The following WDR43 variants were observed in gnomAD, a reference collection of about 807,000 sequenced individuals.
The protein encoded by WDR43 is WD repeat domain 43.
In WDR43, 13 loss-of-function variants were observed where a neutral mutation model predicts 91.4. The observed-to-expected ratio is 0.14, with a 90% CI of 0.09 to 0.23. WDR43 has a LOEUF of 0.23. Ranked by LOEUF, WDR43 falls within the 10% of genes least tolerant of loss-of-function variation. The probability of loss-of-function intolerance (pLI) is 1.00; values close to 1 mark genes in which losing one functional copy is unlikely to be tolerated. For synonymous variants in WDR43, 331 were observed against 287.9 expected (o/e 1.15, Z -1.51); for missense variants, 780 against 809.4 (o/e 0.96, Z 0.44).
chr2:28,896,878 A>T (rs569769015), intron 1 of WDR43, among the ~76,000 whole-genome samples: 5 of 152,252 alleles, frequency 3.3e-5, no homozygotes, highest in Middle Eastern at 3.4e-3. Flanking sequence ...ATTAAACAAA[A>T]TTTTTTTCTA....
Position 28,925,039 on chromosome 2 carries a change from A to G in WDR43, c.972A>G (p.Lys324=), listed in dbSNP as rs1218993035. 6.2e-7 allele frequency: 1 copy of G among 1,613,922 alleles called. No individual in the cohort carries two copies. The change falls in exon 8 of 18, where the codon AAA becomes AAG. Residue 324 remains lysine, a synonymous_variant. Coordinates refer to ENST00000407426, the MANE Select transcript of WDR43 (RefSeq NM_015131.3). ...CAATTCAGATAGCAACACCTGGGAA[A>G]GGCAAGAAGTCAACACCAAAACCCA... ...NCTIQIATPG[K]GKKSTPKPIP... is the part of the protein sequence containing the mutation.
rs1370697653 is a variant in WDR43, at chr2:28,937,911, A to G, written c.1557-20A>G. 1.2e-6 allele frequency: 2 copies of G among 1,611,128 alleles called. No homozygotes were observed. Among genetic ancestry groups the G allele is most frequent in the African/African-American group, 2.7e-5 (2 of 75,002 alleles). On this transcript the variant is annotated intron_variant, in intron 13 of 17. Coordinates refer to ENST00000407426, the MANE Select transcript of WDR43 (RefSeq NM_015131.3). ...CTTTTGAATTTGTGAACATTAGTTT[A>G]CTTGGATTTTTTTTTCCAGTGCTGT...
chr2:28,926,117 GT>G (rs1671134692), intron 8 of WDR43, among the ~76,000 whole-genome samples: 1 of 152,142 alleles, frequency 6.6e-6, no homozygotes, highest in Non-Finnish European at 1.5e-5. Context: ...TGAGCAGACT[GT>G]TTCTTAAAAG....
chr2:28,913,040 C>T (rs1670837039), intron 4 of WDR43, among the ~76,000 whole-genome samples: 2 of 150,176 alleles, frequency 1.3e-5, no homozygotes, highest in South Asian at 4.2e-4. Flanking sequence ...GCAAGCTCCG[C>T]CTCCCAGGTT....
intron 9 of WDR43, 95 bp downstream of exon 9, chr2:28,926,649 A>G (rs1283741078): frequency 1.9e-6 from 2 of 1,030,764 alleles, no homozygotes; most frequent in Non-Finnish European, 2.8e-6. Context: ...TGAGTTTTTT[A>G]TTCTTTAATA....
rs761845777 is a variant in WDR43 at position 28,906,489 on chromosome 2, C to T, written c.393C>T (p.Cys131=). 16 of 1,580,594 alleles carry T rather than the reference C, an allele frequency of 1.0e-5. No homozygotes were observed. The Admixed American group carries it at 2.8e-4, about 28-fold the overall frequency. Residue 131 remains cysteine (C), a synonymous_variant, in exon 3 of 18, where the codon TGC becomes TGT. Transcript: ENST00000407426. ...ISGGHDNRVN[C]IQWHQDSGCL... is the part of the protein sequence containing the mutation. ...GTGGACATGACAACAGAGTCAACTG[C>T]ATACAGTGGCATCAAGACAGTGGCT... is the stretch of plus-strand genomic sequence containing the variant.
chr2:28,913,513 TA>T (rs1446238418), intron 4 of WDR43: 3 of 346,792 alleles, frequency 8.7e-6, no homozygotes, highest in South Asian at 2.3e-5. Flanking sequence ...ATTTTCTTAA[TA>T]AAAAAGTTTT....
chr2:28,921,488 C>A (rs34564767), intron 6 of WDR43, among the ~76,000 whole-genome samples: 23,862 of 152,190 alleles, frequency 0.16, 2,358 homozygotes, highest in Non-Finnish European at 0.22. Flanking sequence ...AGTTCTAATT[C>A]TGGCACTTCA....
rs775075885 is a variant in WDR43 at position 28,947,495 on chromosome 2, A to C, written c.*716A>C. On this transcript the variant is annotated 3_prime_UTR_variant, in exon 18 of 18. Transcript: ENST00000407426. ...ATATTAAGGATTTTTCTTGACTGCAAATTACTTCTAAAGAATCATCAGTGT... is the reference window on the plus strand; with the variant it reads ...ATATTAAGGATTTTTCTTGACTGCACATTACTTCTAAAGAATCATCAGTGT... 2 of 152,166 alleles carry C rather than the reference A, an allele frequency of 1.3e-5. No homozygotes were observed. Among genetic ancestry groups the C allele is most frequent in the Non-Finnish European group, 2.9e-5 (2 of 68,014 alleles). The allele number at this position is 152,166 out of a possible 1,614,324, so 9.4% of individuals were successfully genotyped here. A position where few individuals can be genotyped will look rare whatever the true frequency, so the allele number is the denominator to read the frequency against.
chr2:28,946,705 A>G lies in WDR43; in HGVS notation c.1960A>G (p.Arg654Gly). 1 of 1,580,888 alleles carries G rather than the reference A, an allele frequency of 6.3e-7. No individual in the cohort carries two copies. The highest frequency in any genetic ancestry group is 8.6e-7 in the Non-Finnish European group (1 of 1,163,102). The change falls in exon 18 of 18, where the codon AGA becomes GGA. Residue 654 changes from arginine (R) to glycine (G), a missense_variant. Physicochemically the swap from Arg to Gly is moderately radical, Grantham distance 125. Around this residue, in one of 4 missense-constraint regions of WDR43, gnomAD observed 426 missense variants for 467.8 expected, o/e 0.91. Coordinates refer to ENST00000407426, the MANE Select transcript of WDR43 (RefSeq NM_015131.3). The part of the protein sequence containing the change: ...EGKDEENGED[R>G]DTASEKELNG... ...AAAAGATGAAGAAAATGGCGAGGAC[A>G]GAGATACAGCAAGTGAAAAAGAATT...
intron 4 of WDR43, among the ~76,000 whole-genome samples, chr2:28,912,923 C>T (rs1026598705): frequency 1.3e-5 from 2 of 150,262 alleles, no homozygotes; most frequent in Non-Finnish European, 3.0e-5. Context: ...GAAAAATGAA[C>T]AGAACCAATA....
intron 4 of WDR43, 86 bp downstream of exon 4, chr2:28,912,796 TAAG>T: frequency 6.6e-7 from 1 of 1,508,888 alleles, no homozygotes; most frequent in East Asian, 2.3e-5. Flanking sequence ...GATATTATTT[TAAG>T]AATACAAATT....
Position 28,906,473 on chromosome 2 carries a change from A to G in WDR43, c.377A>G (p.Asp126Gly). Residue 126 changes from aspartate (D) to glycine (G), a missense_variant, in exon 3 of 18, where the codon GAC (aspartate) becomes GGC (glycine). Asp to Gly is a moderately conservative substitution (Grantham distance 94, BLOSUM62 -1). This residue lies in a region of WDR43 where 174 missense variants were observed against 207.3 expected (regional missense o/e 0.84). Coordinates refer to ENST00000407426, the MANE Select transcript of WDR43 (RefSeq NM_015131.3). ...LHSKLISGGH[D>G]NRVNCIQWHQ... Reference sequence around the variant, plus strand: ...TTTAATCTACAGAGTGGTGGACATGACAACAGAGTCAACTGCATACAGTGG... The same window carrying G: ...TTTAATCTACAGAGTGGTGGACATGGCAACAGAGTCAACTGCATACAGTGG... The G allele has an allele frequency of 6.4e-7, 1 of 1,567,300 alleles. No homozygotes were observed.
intron 11 of WDR43, chr2:28,929,936 T>C (rs1046382147): frequency 8.5e-6 from 5 of 590,702 alleles, no homozygotes; most frequent in Non-Finnish European, 1.6e-5. Context: ...CATTTTCTCA[T>C]AGAAATACTG....
intron 14 of WDR43, among the ~76,000 whole-genome samples, chr2:28,939,806 A>G (rs1465453539): frequency 1.3e-5 from 2 of 152,160 alleles, no homozygotes; most frequent in African/African-American, 4.8e-5. Flanking sequence ...GGTAAAGGCT[A>G]ATCAGAGGTA....
In WDR43 at chr2:28,912,662, T is replaced by A; in HGVS notation, c.558T>A (p.Ala186=). ...CAGATGGAAAGATGTTGCTTTCAGC[T>A]GGTCGAACAATCAAACTATGGGTTT... ...ISPDGKMLLS[A]GRTIKLWVLE... The change falls in exon 4 of 18, where the codon GCT becomes GCA. Residue 186 remains alanine, a synonymous_variant. Coordinates refer to ENST00000407426, the MANE Select transcript of WDR43 (RefSeq NM_015131.3). 1 of 1,614,028 alleles carries A rather than the reference T, an allele frequency of 6.2e-7. No homozygotes were observed. The highest frequency in any genetic ancestry group is 2.2e-5 in the East Asian group (1 of 44,874).
intron 11 of WDR43, among the ~76,000 whole-genome samples, chr2:28,932,154 A>G (rs1671260194): frequency 6.6e-6 from 1 of 152,060 alleles, no homozygotes; most frequent in African/African-American, 2.4e-5. Flanking sequence ...CTGGCATAGA[A>G]TAGCCCTTTC....
intron 11 of WDR43, among the ~76,000 whole-genome samples, chr2:28,934,553 C>A (rs1019971299): frequency 1.3e-5 from 2 of 152,068 alleles, no homozygotes; most frequent in African/African-American, 4.8e-5. Context: ...GAGGCTGACT[C>A]CTCTGTTTAT....
chr2:28,934,118 A>G (rs1319206788), intron 11 of WDR43, among the ~76,000 whole-genome samples: 4 of 152,224 alleles, frequency 2.6e-5, no homozygotes, highest in Admixed American at 6.5e-5. Context: ...ATCTAGCAAT[A>G]TAAGTAATGT....
Sources: allele counts gnomAD v4.1 joint callset (sites outside exome capture counted in the v4.1 genomes callset), GRCh38; gene constraint gnomAD v4.1.1; regional missense constraint gnomAD v4.1.1; transcripts MANE v1.5; gene names NCBI Gene and HGNC (gene_info 2026-07-23, HGNC 2026-07-21).